The following CNTN6 variants were observed in gnomAD, a reference collection of about 807,000 sequenced individuals.
CNTN6 encodes the protein contactin 6.
CNTN6 carries 137 observed loss-of-function variants against 122.8 expected under a neutral mutation model. The ratio of observed to expected loss-of-function variants is 1.12; its 90% CI spans 0.97 to 1.29. The LOEUF (loss-of-function observed/expected upper bound fraction) is 1.29, where lower values mean the gene tolerates loss of function less well. Among genes scored for constraint, CNTN6 ranks in the 50% most tolerant of loss-of-function variants. The pLI is 0.00. For missense variants in CNTN6, 1,634 were observed against 1,223.4 expected, an observed-to-expected ratio of 1.34 and a Z score of -5.01; for synonymous variants, 570 against 426.0, an observed-to-expected ratio of 1.34 and a Z score of -4.16.
chr3:1,273,794 G>T (rs1691816781), intron 4 of CNTN6, among the ~76,000 whole-genome samples: 1 of 152,094 alleles, frequency 6.6e-6, no homozygotes, highest in Non-Finnish European at 1.5e-5. Flanking sequence ...ATCATAAAAG[G>T]CACAGAGAAA....
intron 4 of CNTN6, among the ~76,000 whole-genome samples, chr3:1,240,876 G>A (rs1385887323): frequency 6.6e-6 from 1 of 152,066 alleles, no homozygotes; most frequent in Admixed American, 6.5e-5. Context: ...AGTCAGTGAA[G>A]GGAGATAGGG....
intron 22 of CNTN6, 32 bp from the exon 23 acceptor site, chr3:1,403,286 A>G (rs1467340606): frequency 4.8e-6 from 7 of 1,458,832 alleles, no homozygotes; most frequent in Non-Finnish European, 5.7e-6. Flanking sequence ...CTTTATCTCA[A>G]AATATTTTTG....
chr3:1,095,452 CAG>C, intron 1 of CNTN6, among the ~76,000 whole-genome samples: 1 of 152,194 alleles, frequency 6.6e-6, no homozygotes, highest in South Asian at 2.1e-4. Context: ...GCCTGGGTGA[CAG>C]AGTGAAACTC....
At chr3:1,113,168 T>C (rs1000198390) in intron 1 of CNTN6, among the ~76,000 whole-genome samples, 1 of 152,162 alleles carries the variant, frequency 6.6e-6, no homozygotes, top group Admixed American at 6.5e-5. Context: ...ATGGCTGTGG[T>C]AGAAGTAATA....
chr3:1,173,650 T>C (rs1047792622), intron 2 of CNTN6, among the ~76,000 whole-genome samples: 4 of 152,202 alleles, frequency 2.6e-5, no homozygotes, highest in East Asian at 3.8e-4. Flanking sequence ...CACAATATTA[T>C]TGTCATCTTT....
At chr3:1,242,129 A>T (rs1400683382) in intron 4 of CNTN6, among the ~76,000 whole-genome samples, 3 of 152,096 alleles carry the variant, frequency 2.0e-5, no homozygotes, top group African/African-American at 7.2e-5. Context: ...CAGATGAGGA[A>T]GAAATTTGGG....
At chr3:1,166,906 G>T (rs562779044) in intron 2 of CNTN6, among the ~76,000 whole-genome samples, 118 of 152,152 alleles carry the variant, frequency 7.8e-4, no homozygotes, top group Non-Finnish European at 1.3e-3. Flanking sequence ...CAAGGGGAGG[G>T]AGAGCACTAG....
intron 1 of CNTN6, among the ~76,000 whole-genome samples, chr3:1,104,077 A>G (rs190568901): frequency 3.2e-4 from 49 of 152,244 alleles, no homozygotes; most frequent in Admixed American, 3.0e-3. Flanking sequence ...TAGTGATGCA[A>G]CTATGAACAA....
intron 20 of CNTN6, among the ~76,000 whole-genome samples, chr3:1,397,048 TTTTC>T (rs1248969212): frequency 6.6e-6 from 1 of 152,196 alleles, no homozygotes. Flanking sequence ...GACAGAGGTA[TTTTC>T]TTTGTTTGTT....
At position 1,321,729 on chromosome 3, in the gene CNTN6, A is replaced by G. The variant is rs562337434; in HGVS notation, c.841A>G (p.Ile281Val). Residue 281 changes from isoleucine (I) to valine (V), a missense_variant, in exon 8 of 23, where the codon ATC (isoleucine) becomes GTC (valine). Ile to Val is a conservative substitution (Grantham distance 29, BLOSUM62 3). Coordinates refer to ENST00000446702, the MANE Select transcript of CNTN6 (RefSeq NM_001289080.2). ...AGTCAAGTACAGCAAATCCCAAGCT[A>G]TCCTTGAAATCCCGAACTTCCAACA... ...GKVKYSKSQA[I>V]LEIPNFQQED... 1.9e-5 allele frequency: 31 copies of G among 1,611,888 alleles called. 1 individual carries two copies. Among genetic ancestry groups the G allele is most frequent in the South Asian group, 1.3e-4 (12 of 91,010 alleles).
At chr3:1,132,854 A>C (rs1222509477) in intron 1 of CNTN6, among the ~76,000 whole-genome samples, 1 of 152,058 alleles carries the variant, frequency 6.6e-6, no homozygotes, top group East Asian at 1.9e-4. Flanking sequence ...TATTTAAAAA[A>C]GTCTTATGTG....
chr3:1,119,823 C>G (rs542074892), intron 1 of CNTN6, among the ~76,000 whole-genome samples: 1 of 152,106 alleles, frequency 6.6e-6, no homozygotes, highest in African/African-American at 2.4e-5. Context: ...CCCTGTTCCT[C>G]CCTATCAAAA....
At chr3:1,215,800 T>C (rs1029300770) in intron 2 of CNTN6, among the ~76,000 whole-genome samples, 3 of 152,130 alleles carry the variant, frequency 2.0e-5, no homozygotes, top group African/African-American at 7.2e-5. Context: ...TGGGGAAATA[T>C]ATTTTTTGAA....
At chr3:1,299,347 A>G (rs1696812460) in intron 7 of CNTN6, among the ~76,000 whole-genome samples, 1 of 152,170 alleles carries the variant, frequency 6.6e-6, no homozygotes, top group South Asian at 2.1e-4. Flanking sequence ...ATTAATTTTA[A>G]AAGAAAACCA....
At chr3:1,384,077 T>A (rs1692369006) in intron 19 of CNTN6, among the ~76,000 whole-genome samples, 1 of 149,494 alleles carries the variant, frequency 6.7e-6, no homozygotes, top group African/African-American at 2.6e-5. Flanking sequence ...AATTAACACA[T>A]AGTAGCCATT....
At chr3:1,198,500 A>G (rs1312256615) in intron 2 of CNTN6, among the ~76,000 whole-genome samples, 1 of 152,138 alleles carries the variant, frequency 6.6e-6, no homozygotes, top group Non-Finnish European at 1.5e-5. Context: ...AGGCAGGTGG[A>G]TCACCTGAGG....
At chr3:1,102,840 G>A (rs1169655585) in intron 1 of CNTN6, among the ~76,000 whole-genome samples, 1 of 150,406 alleles carries the variant, frequency 6.6e-6, no homozygotes, top group Non-Finnish European at 1.5e-5. Context: ...GGGAGCTGTG[G>A]CTCACGCCTG....
intron 20 of CNTN6, among the ~76,000 whole-genome samples, chr3:1,398,016 T>C (rs896493754): frequency 6.6e-6 from 1 of 152,084 alleles, no homozygotes; most frequent in African/African-American, 2.4e-5. Flanking sequence ...TGCTCTGTCA[T>C]TTGATTAATA....
At chr3:1,262,211 A>G (rs1235392132) in intron 4 of CNTN6, among the ~76,000 whole-genome samples, 1 of 152,170 alleles carries the variant, frequency 6.6e-6, no homozygotes, top group African/African-American at 2.4e-5. Flanking sequence ...AGAGGACTTC[A>G]TGGTAGGCTC....
Sources: gnomAD v4.1 joint callset for allele counts (sites outside exome capture counted in the v4.1 genomes callset) on GRCh38, gnomAD v4.1.1 for gene constraint, MANE v1.5 for transcripts, NCBI Gene and HGNC (gene_info 2026-07-23, HGNC 2026-07-21) for gene names.